The following ZNF385D variants were observed in gnomAD, a reference collection of about 807,000 sequenced individuals.
ZNF385D encodes zinc finger protein 659.
In ZNF385D, 15 loss-of-function variants were observed where a neutral mutation model predicts 35.8. The observed-to-expected ratio is 0.42, with a 90% CI of 0.28 to 0.64. ZNF385D has a LOEUF of 0.64. ZNF385D is among the 30% of genes least tolerant of loss of function. The pLI is 0.23. For missense variants in ZNF385D, 474 were observed against 494.6 expected, an observed-to-expected ratio of 0.96 and a Z score of 0.39; for synonymous variants, 212 against 186.8, an observed-to-expected ratio of 1.13 and a Z score of -1.10.
intron 2 of ZNF385D, among the ~76,000 whole-genome samples, chr3:22,340,372 G>C (rs34746321): frequency 3.3e-5 from 5 of 152,094 alleles, no homozygotes; most frequent in Admixed American, 3.3e-4. Context: ...TGAGGTGGGC[G>C]TGGTGGCTCA....
intron 2 of ZNF385D, among the ~76,000 whole-genome samples, chr3:22,327,536 T>C (rs961884766): frequency 3.3e-5 from 5 of 152,208 alleles, no homozygotes; most frequent in African/African-American, 1.2e-4. Context: ...CACATTTCCA[T>C]GCATCGTTTC....
intron 3 of ZNF385D, among the ~76,000 whole-genome samples, chr3:22,079,824 G>C (rs914181433): frequency 6.6e-6 from 1 of 151,740 alleles, no homozygotes; most frequent in African/African-American, 2.4e-5. Context: ...AAAGACATAC[G>C]TATGAAATGC....
At chr3:22,109,127 G>C (rs1253659214) in intron 3 of ZNF385D, among the ~76,000 whole-genome samples, 1 of 152,072 alleles carries the variant, frequency 6.6e-6, no homozygotes, top group Non-Finnish European at 1.5e-5. Flanking sequence ...TGCCTATTAG[G>C]GAAGGAAACC....
At chr3:22,079,323 G>A (rs1313217561) in intron 3 of ZNF385D, among the ~76,000 whole-genome samples, 1 of 151,710 alleles carries the variant, frequency 6.6e-6, no homozygotes, top group African/African-American at 2.4e-5. Flanking sequence ...AGGTGTTACT[G>A]AAAAATATAA....
intron 1 of ZNF385D, among the ~76,000 whole-genome samples, chr3:21,680,817 G>T (rs2066875202): frequency 6.6e-6 from 1 of 150,926 alleles, no homozygotes; most frequent in Non-Finnish European, 1.5e-5. Context: ...ATTTTAGTTG[G>T]TTATTTTTTT....
chr3:22,032,862 C>T (rs1698085519), intron 3 of ZNF385D, among the ~76,000 whole-genome samples: 1 of 152,106 alleles, frequency 6.6e-6, no homozygotes, highest in Admixed American at 6.6e-5. Context: ...AGCTAGCGTT[C>T]CCATTATCAT....
At chr3:21,553,302 C>T (rs1347977270) in intron 3 of ZNF385D, among the ~76,000 whole-genome samples, 1 of 152,144 alleles carries the variant, frequency 6.6e-6, no homozygotes, top group Non-Finnish European at 1.5e-5. Context: ...GCAAGTATCA[C>T]AGTAATGTTA....
exon 2 of ZNF385D, chr3:22,372,480 G>A: frequency 1.0e-6 from 1 of 985,920 alleles, no homozygotes; most frequent in Non-Finnish European, 1.2e-6. Flanking sequence ...GGCGCCCCCA[G>A]GAGCTTTTCT....
At chr3:22,142,847 TC>T (rs1704598640) in intron 3 of ZNF385D, among the ~76,000 whole-genome samples, 1 of 151,998 alleles carries the variant, frequency 6.6e-6, no homozygotes, top group Admixed American at 6.6e-5. Flanking sequence ...GATATTATCC[TC>T]CCCGGGTTCC....
At chr3:21,911,073 A>ATG (rs1190206467) in intron 3 of ZNF385D, among the ~76,000 whole-genome samples, 1 of 151,868 alleles carries the variant, frequency 6.6e-6, no homozygotes, top group East Asian at 1.9e-4. Flanking sequence ...GAGAATATCT[A>ATG]TGTGTTTTTA....
At chr3:21,454,970 G>C (rs1035870958) in intron 4 of ZNF385D, among the ~76,000 whole-genome samples, 2 of 152,056 alleles carry the variant, frequency 1.3e-5, no homozygotes, top group Non-Finnish European at 2.9e-5. Context: ...AATCATGAGT[G>C]AACTCCCATT....
intron 3 of ZNF385D, among the ~76,000 whole-genome samples, chr3:22,000,092 T>G (rs896747818): frequency 6.6e-6 from 1 of 152,018 alleles, no homozygotes; most frequent in Non-Finnish European, 1.5e-5. Context: ...GATCATGAGC[T>G]CAGGAGATCA....
At chr3:22,058,999 T>G (rs1358956401) in intron 3 of ZNF385D, among the ~76,000 whole-genome samples, 1 of 152,196 alleles carries the variant, frequency 6.6e-6, no homozygotes, top group East Asian at 1.9e-4. Flanking sequence ...CAATCACCCC[T>G]AAACCTCCTA....
intron 2 of ZNF385D, among the ~76,000 whole-genome samples, chr3:22,254,106 A>T (rs918483945): frequency 1.3e-5 from 2 of 151,884 alleles, no homozygotes; most frequent in African/African-American, 4.8e-5. Context: ...CCTACAAGGC[A>T]TTAATGACCT....
intron 3 of ZNF385D, among the ~76,000 whole-genome samples, chr3:22,142,331 G>T (rs1374908142): frequency 1.3e-5 from 2 of 152,054 alleles, no homozygotes; most frequent in Non-Finnish European, 2.9e-5. Context: ...TTCAACAATT[G>T]TTATTTCTTT....
chr3:21,616,770 A>G (rs1420370626), intron 2 of ZNF385D, among the ~76,000 whole-genome samples: 2 of 152,206 alleles, frequency 1.3e-5, no homozygotes, highest in Admixed American at 6.5e-5. Context: ...AGGACAAAAT[A>G]CTTCTCATGA....
chr3:21,602,689 C>T (rs1433582442), intron 2 of ZNF385D, among the ~76,000 whole-genome samples: 4 of 148,078 alleles, frequency 2.7e-5, no homozygotes, highest in Non-Finnish European at 4.4e-5. Flanking sequence ...CCCGCCACCG[C>T]GCCCGGCTAA....
Position 22,219,441 on chromosome 3 carries a change from A to G in ZNF385D, c.107-50406T>C, listed in dbSNP as rs75721949. The stretch of plus-strand genomic sequence containing the variant: ...TCACTGATCATTGTGCCCTGTCACC[A>G]TATATTTTACAACCTATTCTCCAGG... On this transcript the variant is annotated intron_variant, in intron 2 of 5. Coordinates refer to the ZNF385D transcript ENST00000494108. 6.9e-3 allele frequency among the ~76,000 whole-genome samples: 1,048 copies of G among 152,254 alleles called. 8 individuals carry two copies. The highest frequency in any genetic ancestry group is 0.024 in the African/African-American group (977 of 41,564).
intron 1 of ZNF385D, among the ~76,000 whole-genome samples, chr3:21,707,336 T>C (rs1305236965): frequency 6.6e-6 from 1 of 152,196 alleles, no homozygotes; most frequent in Admixed American, 6.5e-5. Flanking sequence ...TTACAGTCCT[T>C]TGGTACAGTA....
Sources: gnomAD v4.1 joint callset for allele counts (sites outside exome capture counted in the v4.1 genomes callset) on GRCh38, gnomAD v4.1.1 for gene constraint, MANE v1.5 for transcripts, NCBI Gene and HGNC (gene_info 2026-07-23, HGNC 2026-07-21) for gene names.